SCUBE1: variants seen among roughly 807,000 people sequenced by gnomAD.
SCUBE1 encodes signal peptide, CUB and EGF-like domain-containing protein 1.
SCUBE1 carries 59 observed loss-of-function variants against 124.4 expected under a neutral mutation model. The observed-to-expected ratio is 0.47, with a 90% CI of 0.38 to 0.59. The LOEUF (loss-of-function observed/expected upper bound fraction) is 0.59. Ranked by LOEUF, SCUBE1 falls within the 20% of genes least tolerant of loss-of-function variation. The probability of loss-of-function intolerance (pLI) is 0.00; values close to 1 mark genes in which losing one functional copy is unlikely to be tolerated. For synonymous variants in SCUBE1, 545 were observed against 550.9 expected, an observed-to-expected ratio of 0.99 and a Z score of 0.15; for missense variants, 1,150 against 1,371.2, an observed-to-expected ratio of 0.84 and a Z score of 2.55.
At chr22:43,285,104 G>C (rs1202910009) in intron 4 of SCUBE1, among the ~76,000 whole-genome samples, 1 of 152,184 alleles carries the variant, frequency 6.6e-6, no homozygotes, top group Non-Finnish European at 1.5e-5. Flanking sequence ...AACCCCAGCA[G>C]AGCAGCTGCA....
chr22:43,282,084 G>A (rs1569011463), intron 4 of SCUBE1: 1 of 153,092 alleles, frequency 6.5e-6, no homozygotes, highest in Non-Finnish European at 1.5e-5. Context: ...GGTCAACAGG[G>A]TGAAGGGAGT....
At chr22:43,233,279 G>C (rs1250695234) in intron 7 of SCUBE1, 1 of 152,284 alleles carries the variant, frequency 6.6e-6, no homozygotes, top group Non-Finnish European at 1.5e-5. Flanking sequence ...CAGGAGAATC[G>C]CTTGAACCCA....
intron 3 of SCUBE1, among the ~76,000 whole-genome samples, chr22:43,311,149 C>G (rs1484217740): frequency 2.6e-5 from 4 of 152,170 alleles, no homozygotes; most frequent in African/African-American, 9.7e-5. Flanking sequence ...ATGCTGTCAC[C>G]CTGCCCCCAT....
chr22:43,342,969 C>T (rs1234299661), intron 1 of SCUBE1, among the ~76,000 whole-genome samples: 1 of 151,226 alleles, frequency 6.6e-6, no homozygotes, highest in Non-Finnish European at 1.5e-5. Flanking sequence ...CTGGTGCGGC[C>T]CCGCCGGACT....
rs1363532280 is a variant in SCUBE1 at position 43,281,431 on chromosome 22, TCCCTTGGCCACCCTCCTGTCATCTC to T, written c.484+9590_484+9614del. On this transcript the variant is annotated intron_variant, in intron 4 of 21. Transcript: ENST00000360835. The stretch of plus-strand genomic sequence containing the variant: ...CTCCCTCAGCCATCCTCCTGTCACC[TCCCTTGGCCACCCTCCTGTCATCTC>T]CCTCAGCCACCCTCCTGTCACCTCC... Among the ~76,000 whole-genome samples the T allele has an allele frequency of 3.1e-4, 23 of 73,296 alleles. No homozygotes were observed. The African/African-American group carries it at 3.3e-3, about 11-fold the overall frequency. The allele number at this position is 73,296 out of a possible 152,430, so 48.1% of individuals were successfully genotyped here.
intron 3 of SCUBE1, chr22:43,317,106 C>T (rs150260819): frequency 6.6e-6 from 1 of 152,170 alleles, no homozygotes; most frequent in African/African-American, 2.4e-5. Context: ...TTTTGTGAAG[C>T]ATTCCTAAGG....
chr22:43,248,025 A>C (rs1923286657), intron 6 of SCUBE1, among the ~76,000 whole-genome samples: 3 of 152,242 alleles, frequency 2.0e-5, no homozygotes, highest in Admixed American at 2.0e-4. Flanking sequence ...GGATTAAGGC[A>C]GGGCTGGAGC....
At chr22:43,281,536 T>TCTTTGG (rs1924890793) in intron 4 of SCUBE1, among the ~76,000 whole-genome samples, 1 of 75,190 alleles carries the variant, frequency 1.3e-5, no homozygotes, top group Non-Finnish European at 2.6e-5. Context: ...GTCACCTCCC[T>TCTTTGG]CAGTCACCCT....
chr22:43,291,377 C>T (rs1189297915), intron 3 of SCUBE1, among the ~76,000 whole-genome samples, 197 bp from the exon 4 acceptor site: 2 of 152,090 alleles, frequency 1.3e-5, no homozygotes, highest in Non-Finnish European at 2.9e-5. Context: ...TGGTGGCACT[C>T]TACAGTGGGC....
At chr22:43,286,558 G>T (rs1274361778) in intron 4 of SCUBE1, among the ~76,000 whole-genome samples, 3 of 152,230 alleles carry the variant, frequency 2.0e-5, no homozygotes, top group Admixed American at 2.0e-4. Context: ...AATAGCAACA[G>T]TTCACCAGGT....
At chr22:43,281,649 C>T (rs12168798) in intron 4 of SCUBE1, among the ~76,000 whole-genome samples, 55,892 of 149,942 alleles carry the variant, frequency 0.37, 12,498 homozygotes, top group East Asian at 0.97. Context: ...GCCATCCTCC[C>T]GTCGTCTCCC....
intron 4 of SCUBE1, among the ~76,000 whole-genome samples, chr22:43,281,622 C>CCT (rs1924913856): frequency 6.8e-6 from 1 of 147,190 alleles, no homozygotes; most frequent in Non-Finnish European, 1.5e-5. Context: ...TCCTCAGCAA[C>CCT]CCTGTCACCT....
At chr22:43,273,711 T>C (rs1166815356) in intron 4 of SCUBE1, among the ~76,000 whole-genome samples, 2 of 151,810 alleles carry the variant, frequency 1.3e-5, no homozygotes, top group East Asian at 1.9e-4. Context: ...TAGCTGTGAC[T>C]ACAGGTGTGC....
intron 4 of SCUBE1, among the ~76,000 whole-genome samples, chr22:43,263,480 ACAGGAAGCTCAGG>A (rs1196256058): frequency 4.6e-5 from 7 of 152,190 alleles, no homozygotes; most frequent in African/African-American, 1.4e-4. Flanking sequence ...ACCTCCACCC[ACAGGAAGCTCAGG>A]CAGGAGTGAA....
intron 3 of SCUBE1, among the ~76,000 whole-genome samples, chr22:43,306,260 G>A (rs564367627): frequency 1.3e-5 from 2 of 152,296 alleles, no homozygotes; most frequent in African/African-American, 4.8e-5. Flanking sequence ...ATGTTTTGCT[G>A]GCAGGGTATT....
At chr22:43,280,494 C>CCTGTCCCTTCCCCTCACCCATCCCCCT (rs375038998) in intron 4 of SCUBE1, among the ~76,000 whole-genome samples, 2 of 37,050 alleles carry the variant, frequency 5.4e-5, no homozygotes, top group Non-Finnish European at 8.2e-5. Context: ...CACCCATCCC[C>CCTGTCCCTTCCCCTCACCCATCCCCCT]GTCCCTTCCC....
chr22:43,335,701 T>C (rs921741104), intron 2 of SCUBE1, among the ~76,000 whole-genome samples: 9 of 152,006 alleles, frequency 5.9e-5, no homozygotes, highest in Non-Finnish European at 1.0e-4. Context: ...CATAGTCTCA[T>C]TTGAGCCTGA....
chr22:43,252,478 C>T (rs540446717), intron 6 of SCUBE1, among the ~76,000 whole-genome samples: 1 of 152,314 alleles, frequency 6.6e-6, no homozygotes, highest in East Asian at 1.9e-4. Context: ...CAGTCAAGGG[C>T]ACAGACTCTG....
At chr22:43,243,111 C>A (rs1039522748) in intron 6 of SCUBE1, among the ~76,000 whole-genome samples, 3 of 152,382 alleles carry the variant, frequency 2.0e-5, no homozygotes, top group East Asian at 3.9e-4. Context: ...ACGCCACACA[C>A]CCTAGAAGCT....
Sources: allele counts gnomAD v4.1 joint callset (sites outside exome capture counted in the v4.1 genomes callset), GRCh38; gene constraint gnomAD v4.1.1; transcripts MANE v1.5; gene names NCBI Gene and HGNC (gene_info 2026-07-23, HGNC 2026-07-21).